Variants in AGBL2 observed in about 807,000 individuals in gnomAD.
AGBL2 encodes cytosolic carboxypeptidase 2.
A neutral mutation model predicts 103.0 loss-of-function variants in AGBL2; 87 were observed. The observed-to-expected ratio is 0.84, with a 90% CI of 0.71 to 1.01. The LOEUF (loss-of-function observed/expected upper bound fraction) is 1.01, where lower values mean the gene tolerates loss of function less well. AGBL2 is among the 50% of genes least tolerant of loss of function. The pLI is 0.00. For missense variants in AGBL2, 904 were observed against 1,023.5 expected, an observed-to-expected ratio of 0.88 and a Z score of 1.59; for synonymous variants, 335 against 356.7, an observed-to-expected ratio of 0.94 and a Z score of 0.69.
At chr11:47,714,376 G>T (rs1256726963) in intron 2 of AGBL2, 29 bp from the exon 3 acceptor site, 1 of 1,601,130 alleles carries the variant, frequency 6.2e-7, no homozygotes, top group Non-Finnish European at 8.6e-7. Flanking sequence ...CTTCAATCAA[G>T]ATAATGTTTT....
chr11:47,663,251 T>TAATTCAAAGAAGGAAAAAC (rs1351038082), intron 17 of AGBL2, 139 bp from the exon 18 acceptor site: 1 of 608,640 alleles, frequency 1.6e-6, no homozygotes. Context: ...AGGCAAAACA[T>TAATTCAAAGAAGGAAAAAC]AATTCAAAGA....
Position 47,705,639 on chromosome 11 carries a change from G to GT in AGBL2, c.287-6dup. On this transcript the variant is annotated splice_polypyrimidine_tract_variant and splice_region_variant and intron_variant, in intron 5 of 18. Transcript: ENST00000525123. ...AGCCCAGGCAAGAGTGAAAGTCTGT[G>GT]TCAAAAAAAAAAAAAAAAGAAAAAG... The GT allele has an allele frequency of 2.5e-6, 1 of 402,760 alleles. No individual in the cohort carries two copies. Among genetic ancestry groups the GT allele is most frequent in the Admixed American group, 5.1e-5 (1 of 19,764 alleles). 24.9% of individuals were successfully genotyped at this position (402,760 alleles called of 1,614,324 possible).
At chr11:47,700,148 G>T (rs1462666521) in intron 7 of AGBL2, among the ~76,000 whole-genome samples, 2 of 151,938 alleles carry the variant, frequency 1.3e-5, no homozygotes, top group African/African-American at 4.8e-5. Context: ...GTAGAGACAG[G>T]GTTTCTCCAT....
intron 7 of AGBL2, among the ~76,000 whole-genome samples, chr11:47,703,940 A>AG (rs60746776): frequency 1.1e-5 from 1 of 94,426 alleles, no homozygotes; most frequent in Non-Finnish European, 2.9e-5. Flanking sequence ...AAAAAAAAAA[A>AG]CAAAAAAAAA....
intron 10 of AGBL2, among the ~76,000 whole-genome samples, chr11:47,687,252 C>T (rs2097427700): frequency 6.6e-6 from 1 of 151,728 alleles, no homozygotes; most frequent in African/African-American, 2.4e-5. Flanking sequence ...TAAGTTAATC[C>T]TTTAATTAAT....
intron 14 of AGBL2, among the ~76,000 whole-genome samples, chr11:47,670,707 AG>A (rs1356621887): frequency 6.7e-6 from 1 of 150,358 alleles, no homozygotes; most frequent in African/African-American, 2.4e-5. Flanking sequence ...AAAAAAAAAA[AG>A]GGTGGCTGGG....
chr11:47,672,343 C>G (rs1401038273), intron 14 of AGBL2, among the ~76,000 whole-genome samples: 2 of 151,446 alleles, frequency 1.3e-5, no homozygotes, highest in Non-Finnish European at 2.9e-5. Flanking sequence ...GAGACAGGGT[C>G]TCGCTGTGTC....
intron 18 of AGBL2, among the ~76,000 whole-genome samples, chr11:47,661,404 T>C (rs1033185232): frequency 6.6e-6 from 1 of 152,018 alleles, no homozygotes; most frequent in Non-Finnish European, 1.5e-5. Context: ...TTTGACTTTA[T>C]TTAAGCCTAT....
At chr11:47,691,729 A>AAAAATAT in intron 9 of AGBL2, among the ~76,000 whole-genome samples, 5 of 4,858 alleles carry the variant, frequency 1.0e-3, no homozygotes, top group African/African-American at 3.6e-3. Flanking sequence ...AAAAAAAAAA[A>AAAAATAT]ATATATATAT....
rs1364752418 is a variant in AGBL2 at position 47,665,324 on chromosome 11, G to A, written c.2448+1632C>T. Among the ~76,000 whole-genome samples, 8 of 151,716 alleles carry A rather than the reference G, an allele frequency of 5.3e-5. No individual in the cohort carries two copies. In the East Asian group the frequency reaches 5.8e-4, roughly 11 times the overall value. On this transcript the variant is annotated intron_variant, in intron 17 of 18. Transcript: ENST00000525123. ...GTCCTCCCAAAGTGCTGAGATTACC[G>A]GTATGAGCCACCGTGCCCAGCCATG...
At chr11:47,697,793 G>A (rs1009764829) in intron 8 of AGBL2, among the ~76,000 whole-genome samples, 3 of 149,270 alleles carry the variant, frequency 2.0e-5, no homozygotes, top group African/African-American at 4.9e-5. Context: ...TCGTCCGCCC[G>A]CCTCAGACTC....
Position 47,679,963 on chromosome 11 carries a change from C to G in AGBL2, c.2016+10G>C. The G allele has an allele frequency of 1.9e-6, 3 of 1,564,764 alleles. No individual in the cohort carries two copies. Among genetic ancestry groups the G allele is most frequent in the Non-Finnish European group, 2.6e-6 (3 of 1,136,960 alleles). ...GGCCTTCATCACATTTCTTGAAACC[C>G]CATTTTTACCTTCATTTGGTCAGGA... On this transcript the variant is annotated intron_variant, in intron 13 of 18. Transcript: ENST00000525123.
At chr11:47,714,988 G>C (rs192474328) in intron 1 of AGBL2, 187 bp downstream of exon 1, 98 of 316,170 alleles carry the variant, frequency 3.1e-4, no homozygotes, top group Admixed American at 2.7e-3. Context: ...CTCGCCACAG[G>C]AAAGTGAAAG....
At chr11:47,696,025 A>AAAAAAAAAAAAG (rs1417947971) in intron 8 of AGBL2, among the ~76,000 whole-genome samples, 9 of 33,248 alleles carry the variant, frequency 2.7e-4, no homozygotes, top group African/African-American at 1.1e-3. Context: ...AAAAAAAAAA[A>AAAAAAAAAAAAG]AAAAAAAAAA....
intron 12 of AGBL2, among the ~76,000 whole-genome samples, chr11:47,681,343 ATAAAAAT>A (rs949066923): frequency 3.3e-5 from 5 of 152,076 alleles, no homozygotes; most frequent in African/African-American, 7.3e-5. Context: ...AACAAAATAA[ATAAAAAT>A]TAAAAAAAGA....
chr11:47,699,156 G>T (rs532737488), intron 8 of AGBL2, among the ~76,000 whole-genome samples: 2 of 152,218 alleles, frequency 1.3e-5, no homozygotes, highest in African/African-American at 4.8e-5. Flanking sequence ...GTGGAGAAAA[G>T]AAATCTCCCC....
At chr11:47,709,705 A>T (rs1200714512) in intron 4 of AGBL2, among the ~76,000 whole-genome samples, 1 of 151,336 alleles carries the variant, frequency 6.6e-6, no homozygotes, top group East Asian at 1.9e-4. Context: ...CTCCTGCCTC[A>T]GCCTCCCCAG....
chr11:47,660,556 A>ATTT (rs11380369), intron 18 of AGBL2, among the ~76,000 whole-genome samples: 2 of 143,408 alleles, frequency 1.4e-5, no homozygotes, highest in Admixed American at 7.0e-5. Context: ...CATGAGACAC[A>ATTT]TTTTTTTTTT....
chr11:47,714,930 T>G, intron 1 of AGBL2, 180 bp from the exon 2 acceptor site: 1 of 473,824 alleles, frequency 2.1e-6, no homozygotes, highest in Non-Finnish European at 3.9e-6. Context: ...CCGCTTCTTC[T>G]TCCCAAGGTG....
Sources: allele counts gnomAD v4.1 joint callset (sites outside exome capture counted in the v4.1 genomes callset), GRCh38; gene constraint gnomAD v4.1.1; transcripts MANE v1.5; gene names NCBI Gene and HGNC (gene_info 2026-07-23, HGNC 2026-07-21).